Variants in ADCK1 observed in about 807,000 individuals in gnomAD.
ADCK1 encodes aarF domain-containing protein kinase 1.
A neutral mutation model predicts 52.3 loss-of-function variants in ADCK1; 41 were observed. The ratio of observed to expected loss-of-function variants is 0.78; its 90% confidence interval spans 0.61 to 1.02. The LOEUF (loss-of-function observed/expected upper bound fraction) is 1.02, where lower values mean the gene tolerates loss of function less well. Among genes scored for constraint, ADCK1 ranks in the 50% least tolerant of loss-of-function variants. The pLI, the probability that ADCK1 is intolerant of heterozygous loss-of-function variation, is 0.00. For missense variants in ADCK1, 658 were observed against 679.5 expected (o/e 0.97, Z 0.35); for synonymous variants, 250 against 274.6 (o/e 0.91, Z 0.89).
intron 4 of ADCK1, among the ~76,000 whole-genome samples, chr14:77,869,668 A>G (rs947945207): frequency 3.9e-5 from 6 of 152,186 alleles, no homozygotes; most frequent in African/African-American, 1.4e-4. Flanking sequence ...TCCAACTTGA[A>G]CTAGCTAAGG....
At chr14:77,842,559 A>AT (rs1406061302) in intron 3 of ADCK1, among the ~76,000 whole-genome samples, 27 of 75,274 alleles carry the variant, frequency 3.6e-4, no homozygotes, top group South Asian at 1.1e-3. Context: ...CTTCCTTTCT[A>AT]TTTTTTTTTG....
At chr14:77,899,831 A>G (rs956402460) in intron 6 of ADCK1, among the ~76,000 whole-genome samples, 6 of 152,190 alleles carry the variant, frequency 3.9e-5, no homozygotes, top group Non-Finnish European at 7.3e-5. Flanking sequence ...GCACTTTGGG[A>G]GGCTGAGGCA....
intron 4 of ADCK1, among the ~76,000 whole-genome samples, chr14:77,885,505 A>G (rs2083128470): frequency 6.6e-6 from 1 of 152,216 alleles, no homozygotes; most frequent in Non-Finnish European, 1.5e-5. Context: ...AGCTACAACA[A>G]TGATGACAGG....
At chr14:77,841,735 C>T (rs887491719) in intron 3 of ADCK1, among the ~76,000 whole-genome samples, 3 of 149,660 alleles carry the variant, frequency 2.0e-5, no homozygotes, top group Non-Finnish European at 4.4e-5. Context: ...TCCCAGTTAC[C>T]TGGGAGGCTG....
chr14:77,899,205 G>A lies in ADCK1; in HGVS notation c.688G>A (p.Gly230Arg), dbSNP rs143343441. The change falls in exon 6 of 11, where the codon GGG becomes AGG. Residue 230 changes from glycine to arginine, a missense_variant. Coordinates refer to ENST00000238561, the MANE Select transcript of ADCK1 (RefSeq NM_020421.4). ...LPLELDFLNE[G>R]RNAEKVSQML... The stretch of plus-strand genomic sequence containing the variant: ...TTTGGAGCTGGATTTCCTCAATGAA[G>A]GGAGGAATGCTGAGAAGGTGTCCCA... 7 of 1,614,092 alleles carry A rather than the reference G, an allele frequency of 4.3e-6. No individual in the cohort carries two copies. Among genetic ancestry groups the A allele is most frequent in the Admixed American group, 1.7e-5 (1 of 60,004 alleles).
intron 3 of ADCK1, among the ~76,000 whole-genome samples, chr14:77,840,429 C>T (rs963468448): frequency 2.0e-5 from 3 of 152,048 alleles, no homozygotes; most frequent in Admixed American, 2.0e-4. Context: ...CTGGCTAAGT[C>T]CTTCTCCCCC....
chr14:77,904,712 C>T (rs770626370), intron 6 of ADCK1, among the ~76,000 whole-genome samples: 63 of 152,174 alleles, frequency 4.1e-4, no homozygotes, highest in Non-Finnish European at 8.7e-4. Context: ...AGGGAGGCCT[C>T]TGCTCTGTGG....
chr14:77,879,814 CTG>C (rs982954652), intron 4 of ADCK1, among the ~76,000 whole-genome samples: 1 of 152,148 alleles, frequency 6.6e-6, no homozygotes, highest in African/African-American at 2.4e-5. Flanking sequence ...ACTGCTGACT[CTG>C]TGCCCAGCAC....
chr14:77,838,530 G>C (rs2082004950), intron 3 of ADCK1, among the ~76,000 whole-genome samples: 1 of 152,096 alleles, frequency 6.6e-6, no homozygotes, highest in African/African-American at 2.4e-5. Flanking sequence ...CCAGGTACCT[G>C]GGAATACAGG....
At chr14:77,893,326 C>T (rs746064170) in intron 5 of ADCK1, among the ~76,000 whole-genome samples, 7 of 151,986 alleles carry the variant, frequency 4.6e-5, no homozygotes, top group Non-Finnish European at 8.8e-5. Flanking sequence ...GGGAGCTTAG[C>T]GGGCCATATC....
chr14:77,910,719 G>A (rs924929413), intron 7 of ADCK1, among the ~76,000 whole-genome samples: 7 of 152,234 alleles, frequency 4.6e-5, no homozygotes, highest in Non-Finnish European at 1.0e-4. Flanking sequence ...AACACAGAAA[G>A]GTGCGCTCTG....
intron 4 of ADCK1, among the ~76,000 whole-genome samples, chr14:77,868,272 G>A (rs886423506): frequency 6.6e-6 from 1 of 152,172 alleles, no homozygotes; most frequent in African/African-American, 2.4e-5. Context: ...GGTAGAAACA[G>A]GACTAGAACC....
intron 3 of ADCK1, among the ~76,000 whole-genome samples, chr14:77,834,001 C>T (rs539592263): frequency 6.6e-6 from 1 of 152,264 alleles, no homozygotes; most frequent in South Asian, 2.1e-4. Context: ...ATGCTTATTG[C>T]CCAATTTCAG....
At chr14:77,864,875 T>C (rs767972858) in intron 4 of ADCK1, among the ~76,000 whole-genome samples, 1 of 152,198 alleles carries the variant, frequency 6.6e-6, no homozygotes, top group Non-Finnish European at 1.5e-5. Context: ...CTGGCAGAAT[T>C]CCTTCTTGCT....
intron 3 of ADCK1, among the ~76,000 whole-genome samples, chr14:77,824,518 C>G (rs2140044463): frequency 6.6e-6 from 1 of 150,706 alleles, no homozygotes; most frequent in South Asian, 2.1e-4. Flanking sequence ...ACTGCAACCT[C>G]CATCTCCCGG....
intron 4 of ADCK1, among the ~76,000 whole-genome samples, chr14:77,873,089 C>T (rs796650091): frequency 7.9e-5 from 12 of 152,168 alleles, no homozygotes; most frequent in African/African-American, 2.9e-4. Context: ...TTAGTGCACC[C>T]GTCGCCTGAG....
chr14:77,843,599 C>G (rs2082118618), intron 3 of ADCK1, among the ~76,000 whole-genome samples: 1 of 152,170 alleles, frequency 6.6e-6, no homozygotes, highest in East Asian at 1.9e-4. Context: ...TGCTCACTGG[C>G]AGGCAGAGTC....
At chr14:77,873,042 G>A (rs1407265717) in intron 4 of ADCK1, among the ~76,000 whole-genome samples, 1 of 151,978 alleles carries the variant, frequency 6.6e-6, no homozygotes, top group African/African-American at 2.4e-5. Flanking sequence ...GTGGTTTTTG[G>A]TTACATGGGT....
At chr14:77,870,893 TG>T (rs1566685988) in intron 4 of ADCK1, among the ~76,000 whole-genome samples, 1 of 152,170 alleles carries the variant, frequency 6.6e-6, no homozygotes, top group Non-Finnish European at 1.5e-5. Flanking sequence ...CACTCAGGGC[TG>T]GGGCTGTCAG....
Sources: gnomAD v4.1 joint callset for allele counts (sites outside exome capture counted in the v4.1 genomes callset) on GRCh38, gnomAD v4.1.1 for gene constraint, MANE v1.5 for transcripts, NCBI Gene and HGNC (gene_info 2026-07-23, HGNC 2026-07-21) for gene names.